DIAPH3: variants seen among roughly 807,000 people sequenced by gnomAD.
DIAPH3 encodes protein diaphanous homolog 3.
DIAPH3 carries 117 observed loss-of-function variants against 144.3 expected under a neutral mutation model. The observed-to-expected ratio is 0.81, with a 90% CI of 0.70 to 0.95. The LOEUF is 0.95. DIAPH3 is among the 40% of genes least tolerant of loss of function. DIAPH3 has a pLI of 0.00. For missense variants in DIAPH3, 1,421 were observed against 1,412.7 expected, an observed-to-expected ratio of 1.01 and a Z score of -0.09; for synonymous variants, 519 against 488.9, an observed-to-expected ratio of 1.06 and a Z score of -0.81.
At chr13:60,118,724 C>T (rs1222002477) in intron 2 of DIAPH3, among the ~76,000 whole-genome samples, 1 of 152,196 alleles carries the variant, frequency 6.6e-6, no homozygotes, top group Admixed American at 6.5e-5. Flanking sequence ...TCCTGTCCAG[C>T]CACTTGCTTA....
At chr13:59,847,311 C>T (rs1041536093) in intron 22 of DIAPH3, among the ~76,000 whole-genome samples, 1 of 152,100 alleles carries the variant, frequency 6.6e-6, no homozygotes, top group African/African-American at 2.4e-5. Flanking sequence ...AAGAGAAATG[C>T]CTTCATCTGC....
At chr13:59,727,302 A>C (rs1319688375) in intron 27 of DIAPH3, among the ~76,000 whole-genome samples, 1 of 151,766 alleles carries the variant, frequency 6.6e-6, no homozygotes, top group Non-Finnish European at 1.5e-5. Context: ...CAAAAAAAAA[A>C]CAATTGTTTG....
intron 27 of DIAPH3, among the ~76,000 whole-genome samples, chr13:59,721,817 G>C (rs755958458): frequency 2.0e-4 from 30 of 152,114 alleles, no homozygotes; most frequent in Non-Finnish European, 3.4e-4. Context: ...GGTAAAAGAG[G>C]GAAGGAATTC....
At chr13:59,765,816 G>A (rs899458941) in intron 27 of DIAPH3, among the ~76,000 whole-genome samples, 4 of 152,058 alleles carry the variant, frequency 2.6e-5, no homozygotes, top group Admixed American at 2.6e-4. Flanking sequence ...CCTTTAAGGA[G>A]GGCAAATAAA....
intron 27 of DIAPH3, among the ~76,000 whole-genome samples, chr13:59,709,333 G>A (rs960919500): frequency 1.3e-5 from 2 of 151,924 alleles, no homozygotes; most frequent in African/African-American, 4.8e-5. Context: ...GAAAATTTTC[G>A]CAACCTACTC....
intron 4 of DIAPH3, among the ~76,000 whole-genome samples, chr13:60,044,902 A>G (rs1377356717): frequency 2.0e-5 from 3 of 152,134 alleles, no homozygotes; most frequent in African/African-American, 7.2e-5. Context: ...TGGTTTTAAA[A>G]GGGGCTTTTC....
At chr13:59,968,338 A>C (rs548537081) in intron 17 of DIAPH3, among the ~76,000 whole-genome samples, 1 of 152,312 alleles carries the variant, frequency 6.6e-6, no homozygotes, top group East Asian at 1.9e-4. Flanking sequence ...ATTTGTACCT[A>C]CTAGGAAAGC....
chr13:59,970,485 A>C (rs1236440563), intron 16 of DIAPH3, among the ~76,000 whole-genome samples: 2 of 152,158 alleles, frequency 1.3e-5, no homozygotes, highest in Non-Finnish European at 2.9e-5. Context: ...CTTTCCCAAC[A>C]TCTATCAATA....
At chr13:59,915,825 A>G in intron 19 of DIAPH3, among the ~76,000 whole-genome samples, 1 of 152,146 alleles carries the variant, frequency 6.6e-6, no homozygotes, top group East Asian at 1.9e-4. Flanking sequence ...AGAAAAACAC[A>G]TTCTAAAAGG....
At chr13:59,848,370 G>T (rs1333651208) in intron 22 of DIAPH3, among the ~76,000 whole-genome samples, 2 of 145,162 alleles carry the variant, frequency 1.4e-5, no homozygotes, top group Non-Finnish European at 3.0e-5. Context: ...CATTGTGCAG[G>T]TTAGTTACAT....
intron 24 of DIAPH3, among the ~76,000 whole-genome samples, chr13:59,817,542 T>G (rs1211045246): frequency 6.6e-6 from 1 of 151,894 alleles, no homozygotes; most frequent in Non-Finnish European, 1.5e-5. Context: ...ACTTCAAACA[T>G]TTCTATATCC....
chr13:59,914,180 A>C (rs1335474754), intron 19 of DIAPH3, among the ~76,000 whole-genome samples: 2 of 152,178 alleles, frequency 1.3e-5, no homozygotes, highest in Non-Finnish European at 2.9e-5. Flanking sequence ...TAAATATGTC[A>C]AAATATAACC....
chr13:60,027,812 T>G (rs777608394), intron 5 of DIAPH3, among the ~76,000 whole-genome samples: 3 of 152,170 alleles, frequency 2.0e-5, no homozygotes, highest in Non-Finnish European at 4.4e-5. Flanking sequence ...CATCATTAGT[T>G]CAAGAAAGCA....
chr13:59,876,518 A>G (rs1303512634), intron 21 of DIAPH3, among the ~76,000 whole-genome samples: 4 of 152,208 alleles, frequency 2.6e-5, no homozygotes, highest in East Asian at 1.9e-4. Flanking sequence ...TTGTATCTCA[A>G]TGAGAGGATG....
Position 59,804,391 on chromosome 13 carries a change from T to C in DIAPH3, c.3163+6397A>G, listed in dbSNP as rs949056357. On this transcript the variant is annotated intron_variant, in intron 25 of 27. Transcript: ENST00000400324. Reference sequence around the variant, plus strand: ...TCAGTGGTAAAATATAATAGCACAATAGTTAAAAATATGACCTCGTGAGAA... The same window carrying C: ...TCAGTGGTAAAATATAATAGCACAACAGTTAAAAATATGACCTCGTGAGAA... Among the ~76,000 whole-genome samples, 4 of 152,156 alleles carry C rather than the reference T, an allele frequency of 2.6e-5. No homozygotes were observed. In the South Asian group the frequency reaches 6.2e-4, roughly 24 times the overall value.
intron 27 of DIAPH3, among the ~76,000 whole-genome samples, chr13:59,682,650 A>C: frequency 6.6e-6 from 1 of 152,304 alleles, no homozygotes. Flanking sequence ...ATACTGCATT[A>C]AACTCTATAT....
At chr13:60,009,530 C>CAT (rs1405772576) in intron 8 of DIAPH3, among the ~76,000 whole-genome samples, 2 of 152,218 alleles carry the variant, frequency 1.3e-5, no homozygotes, top group Admixed American at 6.5e-5. Flanking sequence ...CATATGTCCA[C>CAT]ATAAATTTCA....
At chr13:60,157,848 C>T (rs1952103074) in intron 1 of DIAPH3, among the ~76,000 whole-genome samples, 2 of 152,172 alleles carry the variant, frequency 1.3e-5, no homozygotes, top group Non-Finnish European at 2.9e-5. Flanking sequence ...TTAGCCCTAC[C>T]TGTGCTGCTT....
At chr13:60,033,777 A>G (rs573535503) in intron 5 of DIAPH3, among the ~76,000 whole-genome samples, 29 of 152,254 alleles carry the variant, frequency 1.9e-4, no homozygotes, top group Non-Finnish European at 3.7e-4. Flanking sequence ...GAAATTTAAT[A>G]TACAAGAAGC....
Sources: gnomAD v4.1 joint callset for allele counts (sites outside exome capture counted in the v4.1 genomes callset) on GRCh38, gnomAD v4.1.1 for gene constraint, MANE v1.5 for transcripts, NCBI Gene and HGNC (gene_info 2026-07-23, HGNC 2026-07-21) for gene names.